RRM2B: variants seen among roughly 807,000 people sequenced by gnomAD.
RRM2B encodes the protein ribonucleoside-diphosphate reductase subunit M2 B.
RRM2B carries 20 observed loss-of-function variants against 45.9 expected under a neutral mutation model. That is an observed-to-expected ratio of 0.44 (90% CI 0.31 to 0.63). The LOEUF (loss-of-function observed/expected upper bound fraction) is 0.63, where lower values mean the gene tolerates loss of function less well. Ranked by LOEUF, RRM2B falls within the 30% of genes least tolerant of loss-of-function variation. The pLI, the probability that RRM2B is intolerant of heterozygous loss-of-function variation, is 0.09. For missense variants in RRM2B, 320 were observed against 414.7 expected, an observed-to-expected ratio of 0.77 and a Z score of 1.98; for synonymous variants, 124 against 132.3, an observed-to-expected ratio of 0.94 and a Z score of 0.43.
intron 1 of RRM2B, among the ~76,000 whole-genome samples, chr8:102,234,013 G>C (rs1433089862): frequency 6.6e-6 from 1 of 152,036 alleles, no homozygotes; most frequent in Non-Finnish European, 1.5e-5. Flanking sequence ...TAGAGATGGG[G>C]GTCATGCTAT....
At chr8:102,221,311 C>T (rs139289783) in intron 5 of RRM2B, among the ~76,000 whole-genome samples, 10 of 152,208 alleles carry the variant, frequency 6.6e-5, no homozygotes, top group Non-Finnish European at 1.2e-4. Context: ...ATAGTTGCTA[C>T]GCTGGATCTT....
intron 2 of RRM2B, among the ~76,000 whole-genome samples, chr8:102,228,390 G>T (rs923340349): frequency 3.3e-5 from 5 of 152,060 alleles, no homozygotes; most frequent in Admixed American, 6.5e-5. Flanking sequence ...ACCACCCTTC[G>T]ATTTGTTCAT....
intron 8 of RRM2B, among the ~76,000 whole-genome samples, chr8:102,210,607 C>A (rs1295320344): frequency 6.6e-6 from 1 of 152,064 alleles, no homozygotes; most frequent in African/African-American, 2.4e-5. Context: ...GGATTACAGG[C>A]ACCCACCACC....
chr8:102,214,305 T>C lies in RRM2B; in HGVS notation c.685-147A>G, dbSNP rs1810687900. 3 of 669,918 alleles carry C rather than the reference T, an allele frequency of 4.5e-6. No individual in the cohort carries two copies. In the East Asian group the frequency reaches 8.4e-5, roughly 19 times the overall value. The allele number at this position is 669,918 out of a possible 1,614,324, so 41.5% of individuals were successfully genotyped here. On this transcript the variant is annotated intron_variant, in intron 6 of 8. Transcript: ENST00000251810. ...AGAGGGGTTAATAGGACTAGGAACT[T>C]CCTTCTTTCAAATCTCATTAAATGC...
intron 1 of RRM2B, 143 bp downstream of exon 1, chr8:102,238,684 G>C (rs1385033655): frequency 2.6e-5 from 40 of 1,548,492 alleles, no homozygotes; most frequent in Non-Finnish European, 3.4e-5. Context: ...CGCTCGCAAC[G>C]ACGAAGCCAG....
intron 6 of RRM2B, among the ~76,000 whole-genome samples, chr8:102,215,944 C>CAAAAAAAAAAAAAAAAAAAA (rs60059243): frequency 3.3e-4 from 25 of 75,688 alleles, no homozygotes; most frequent in African/African-American, 4.6e-4. Context: ...GACCCTGTCT[C>CAAAAAAAAAAAAAAAAAAAA]AAAAAAAAAA....
chr8:102,217,904 T>C (rs1810759403), intron 6 of RRM2B, among the ~76,000 whole-genome samples: 2 of 151,584 alleles, frequency 1.3e-5, no homozygotes, highest in Admixed American at 1.3e-4. Flanking sequence ...CCAGGCTTAC[T>C]TACTGATCGG....
chr8:102,212,945 T>C (rs1810660562), intron 7 of RRM2B, 56 bp from the exon 8 acceptor site: 1 of 899,938 alleles, frequency 1.1e-6, no homozygotes, highest in East Asian at 2.6e-5. Flanking sequence ...ATATGTATTT[T>C]CCAAATAGAA....
At chr8:102,229,594 G>GTT (rs34779801) in intron 2 of RRM2B, among the ~76,000 whole-genome samples, 4 of 151,628 alleles carry the variant, frequency 2.6e-5, no homozygotes, top group East Asian at 1.9e-4. Flanking sequence ...AACCCCTCAG[G>GTT]TTTTTTTTCG....
chr8:102,236,279 T>C (rs1010696419), intron 1 of RRM2B, among the ~76,000 whole-genome samples: 1 of 152,096 alleles, frequency 6.6e-6, no homozygotes, highest in Non-Finnish European at 1.5e-5. Flanking sequence ...CTGGCGTTCA[T>C]AGCAGGGTAC....
intron 6 of RRM2B, among the ~76,000 whole-genome samples, chr8:102,215,625 C>T (rs1345968171): frequency 6.6e-6 from 1 of 151,726 alleles, no homozygotes; most frequent in African/African-American, 2.4e-5. Flanking sequence ...GGTCAAGTAC[C>T]TAAATGGGAT....
At position 102,206,622 on chromosome 8, in the gene RRM2B, AAAC is replaced by A. The variant is rs1810548321; in HGVS notation, c.*1508_*1510del. 1 of 152,208 alleles carries A rather than the reference AAAC, an allele frequency of 6.6e-6. No homozygotes were observed. Among genetic ancestry groups the A allele is most frequent in the African/African-American group, 2.4e-5 (1 of 41,454 alleles). The allele number at this position is 152,208 out of a possible 1,614,324, so 9.4% of individuals were successfully genotyped here. On this transcript the variant is annotated 3_prime_UTR_variant, in exon 9 of 9. Transcript: ENST00000251810. ...TAAAGTACAGTTTGTTGGGAATGGG[AAAC>A]AACTGCTTGAAGGGGTATACAGAAT...
chr8:102,237,913 G>A (rs1211861559), intron 1 of RRM2B, among the ~76,000 whole-genome samples: 1 of 152,184 alleles, frequency 6.6e-6, no homozygotes, highest in African/African-American at 2.4e-5. Context: ...TCTTGGGGTG[G>A]AAACGTTTGT....
chr8:102,224,017 C>A, intron 5 of RRM2B, 29 bp downstream of exon 5: 1 of 1,476,898 alleles, frequency 6.8e-7, no homozygotes, highest in Admixed American at 1.7e-5. Flanking sequence ...TTAGGCAAAT[C>A]TGATCATACA....
At chr8:102,233,335 C>T (rs527344574) in intron 1 of RRM2B, among the ~76,000 whole-genome samples, 1 of 152,330 alleles carries the variant, frequency 6.6e-6, no homozygotes, top group Admixed American at 6.5e-5. Context: ...TGCTTTATAC[C>T]TACTGCCATC....
At chr8:102,231,413 C>T (rs1024331062) in intron 2 of RRM2B, among the ~76,000 whole-genome samples, 17 of 152,148 alleles carry the variant, frequency 1.1e-4, no homozygotes, top group South Asian at 8.3e-4. Context: ...CTTCATGCAG[C>T]GGCTCATTTT....
chr8:102,221,708 T>TCATGTAGTTA (rs1810839791), intron 5 of RRM2B, among the ~76,000 whole-genome samples: 1 of 152,226 alleles, frequency 6.6e-6, no homozygotes, highest in Non-Finnish European at 1.5e-5. Flanking sequence ...GCTGGAGTCC[T>TCATGTAGTTA]CATGTAGTTA....
At chr8:102,217,512 A>G (rs1229751937) in intron 6 of RRM2B, among the ~76,000 whole-genome samples, 2 of 152,208 alleles carry the variant, frequency 1.3e-5, no homozygotes, top group East Asian at 3.8e-4. Flanking sequence ...CATTCTAACA[A>G]AACGGTTAAG....
Position 102,205,897 on chromosome 8 carries a change from T to A in RRM2B, c.*2236A>T, listed in dbSNP as rs566194929. ...GTATGTCAGTATTAAGACTTCTTCA[T>A]CCAAATCCAGTTAGGTTTATTGCTA... is the stretch of plus-strand genomic sequence containing the variant. On this transcript the variant is annotated 3_prime_UTR_variant, in exon 9 of 9. Transcript: ENST00000251810. The A allele has an allele frequency of 4.6e-4, 70 of 152,174 alleles. No individual in the cohort carries two copies. The highest frequency in any genetic ancestry group is 1.8e-3 in the Admixed American group (27 of 15,280). 9.4% of individuals were successfully genotyped at this position (152,174 alleles called of 1,614,324 possible).
Sources: allele counts gnomAD v4.1 joint callset (sites outside exome capture counted in the v4.1 genomes callset), GRCh38; gene constraint gnomAD v4.1.1; transcripts MANE v1.5; gene names NCBI Gene and HGNC (gene_info 2026-07-23, HGNC 2026-07-21).